The following NOVA1 variants were observed in gnomAD, a reference collection of about 807,000 sequenced individuals.
NOVA1 encodes the protein RNA-binding protein Nova-1.
A neutral mutation model predicts 38.0 loss-of-function variants in NOVA1; 7 were observed. The observed-to-expected ratio is 0.18, with a 90% CI of 0.10 to 0.35. The LOEUF is 0.35. Among genes scored for constraint, NOVA1 ranks in the 10% least tolerant of loss-of-function variants. The pLI, the probability that NOVA1 is intolerant of heterozygous loss-of-function variation, is 1.00. For missense variants in NOVA1, 460 were observed against 616.0 expected (o/e 0.75, Z 2.68); for synonymous variants, 270 against 232.5 (o/e 1.16, Z -1.47).
At chr14:26,578,165 A>G (rs1239879829) in intron 2 of NOVA1, among the ~76,000 whole-genome samples, 1 of 152,164 alleles carries the variant, frequency 6.6e-6, no homozygotes, top group Non-Finnish European at 1.5e-5. Flanking sequence ...TAAAAAGTAT[A>G]GAAGCTACCA....
chr14:26,533,375 CTCCCTATTGCCA>C (rs1889857097), intron 2 of NOVA1, among the ~76,000 whole-genome samples: 1 of 152,148 alleles, frequency 6.6e-6, no homozygotes, highest in Admixed American at 6.5e-5. Flanking sequence ...CAGTAAAGCC[CTCCCTATTGCCA>C]TCAGAATAAT....
At chr14:26,512,600 C>T (rs58817934) in intron 2 of NOVA1, among the ~76,000 whole-genome samples, 9,066 of 152,152 alleles carry the variant, frequency 0.06, 779 homozygotes, top group African/African-American at 0.19. Flanking sequence ...CAAACCATCT[C>T]ATTGCTTGAA....
chr14:26,532,948 C>T (rs1889825283), intron 2 of NOVA1, among the ~76,000 whole-genome samples: 1 of 152,088 alleles, frequency 6.6e-6, no homozygotes, highest in African/African-American at 2.4e-5. Context: ...ATTAGAATGT[C>T]TATTTTTTCT....
intron 2 of NOVA1, among the ~76,000 whole-genome samples, chr14:26,560,008 T>G (rs577636870): frequency 3.9e-4 from 59 of 152,150 alleles, no homozygotes; most frequent in African/African-American, 1.3e-3. Context: ...TTGTAATAAA[T>G]TATTGTAATT....
intron 2 of NOVA1, among the ~76,000 whole-genome samples, chr14:26,516,202 T>C (rs1888450515): frequency 1.3e-5 from 2 of 152,198 alleles, no homozygotes; most frequent in South Asian, 4.1e-4. Flanking sequence ...TTTTGTGAAA[T>C]TCCTGTTCAG....
chr14:26,507,386 G>C (rs1887721064), intron 2 of NOVA1, among the ~76,000 whole-genome samples: 1 of 152,100 alleles, frequency 6.6e-6, no homozygotes, highest in South Asian at 2.1e-4. Flanking sequence ...TTTCCTGCTA[G>C]CAGTCGATAA....
At chr14:26,515,684 G>C (rs1443668523) in intron 2 of NOVA1, among the ~76,000 whole-genome samples, 2 of 151,918 alleles carry the variant, frequency 1.3e-5, no homozygotes, top group Non-Finnish European at 2.9e-5. Context: ...AAAGAAAAAG[G>C]ATGAAAGGAA....
At chr14:26,582,463 C>T (rs1893280510) in intron 2 of NOVA1, among the ~76,000 whole-genome samples, 1 of 151,702 alleles carries the variant, frequency 6.6e-6, no homozygotes, top group South Asian at 2.1e-4. Flanking sequence ...TTGCAGTTTG[C>T]TTTTTAATGG....
chr14:26,537,847 T>C (rs974067568), intron 2 of NOVA1, among the ~76,000 whole-genome samples: 16 of 152,092 alleles, frequency 1.1e-4, no homozygotes, highest in Admixed American at 7.9e-4. Context: ...ATGTGAAAGA[T>C]GTAAGAAGGG....
At chr14:26,475,879 A>G (rs951388103) in intron 3 of NOVA1, among the ~76,000 whole-genome samples, 1 of 152,144 alleles carries the variant, frequency 6.6e-6, no homozygotes, top group Non-Finnish European at 1.5e-5. Flanking sequence ...TTATTAATAA[A>G]CACTGTAATA....
intron 2 of NOVA1, among the ~76,000 whole-genome samples, chr14:26,557,748 T>C (rs1043378079): frequency 5.3e-5 from 8 of 152,022 alleles, no homozygotes; most frequent in African/African-American, 1.7e-4. Flanking sequence ...AATACAGCAA[T>C]CATGCTCCTT....
intron 2 of NOVA1, among the ~76,000 whole-genome samples, chr14:26,529,075 G>T (rs554761243): frequency 1.3e-5 from 2 of 151,640 alleles, no homozygotes; most frequent in African/African-American, 2.4e-5. Flanking sequence ...AGGCATATTT[G>T]CTCTCAGCCC....
chr14:26,517,268 T>C (rs1303802370), intron 2 of NOVA1, among the ~76,000 whole-genome samples: 1 of 152,154 alleles, frequency 6.6e-6, no homozygotes, highest in Non-Finnish European at 1.5e-5. Flanking sequence ...CTTCTTGAAG[T>C]ACCTGGCTCT....
intron 2 of NOVA1, among the ~76,000 whole-genome samples, chr14:26,586,192 G>T (rs1893505808): frequency 1.3e-5 from 2 of 151,366 alleles, no homozygotes; most frequent in Admixed American, 1.3e-4. Context: ...TAACACTGTA[G>T]AAGGAAAAGT....
At chr14:26,567,367 C>T (rs1055590438) in intron 2 of NOVA1, among the ~76,000 whole-genome samples, 1 of 137,384 alleles carries the variant, frequency 7.3e-6, no homozygotes, top group Non-Finnish European at 1.5e-5. Context: ...GCAATCTTGG[C>T]TCACTGCAGC....
intron 2 of NOVA1, among the ~76,000 whole-genome samples, chr14:26,589,178 G>C (rs528787639): frequency 2.0e-5 from 3 of 151,512 alleles, no homozygotes; most frequent in Non-Finnish European, 4.4e-5. Context: ...AGATAGTACA[G>C]ACTTTGCCAG....
At chr14:26,526,950 T>C (rs1056463821) in intron 2 of NOVA1, among the ~76,000 whole-genome samples, 7 of 152,148 alleles carry the variant, frequency 4.6e-5, no homozygotes, top group African/African-American at 1.4e-4. Context: ...CAAGAGTCTG[T>C]ACCAGAATCT....
intron 1 of NOVA1, among the ~76,000 whole-genome samples, chr14:26,596,328 T>C (rs1279441960): frequency 6.6e-6 from 1 of 152,110 alleles, no homozygotes; most frequent in Non-Finnish European, 1.5e-5. Flanking sequence ...AATGTTCCTT[T>C]CCCAAAATAA....
chr14:26,563,954 C>T (rs1349611016), intron 2 of NOVA1, among the ~76,000 whole-genome samples: 1 of 152,078 alleles, frequency 6.6e-6, no homozygotes, highest in Non-Finnish European at 1.5e-5. Context: ...TCTAGTCTTA[C>T]ATATAAACTT....
Sources: gnomAD v4.1 joint callset for allele counts (sites outside exome capture counted in the v4.1 genomes callset) on GRCh38, gnomAD v4.1.1 for gene constraint, MANE v1.5 for transcripts, NCBI Gene and HGNC (gene_info 2026-07-23, HGNC 2026-07-21) for gene names.